Variants in PPFIA2 observed in about 807,000 individuals in gnomAD.
The protein encoded by PPFIA2 is PPFI scaffold protein A2, also known as liprin-alpha-2.
Under a neutral mutation model 175.5 loss-of-function variants are expected in PPFIA2, and 46 were observed. That is an observed-to-expected ratio of 0.26 (90% CI 0.21 to 0.34). The LOEUF (loss-of-function observed/expected upper bound fraction) is 0.34, where lower values mean the gene tolerates loss of function less well. Among genes scored for constraint, PPFIA2 ranks in the 10% least tolerant of loss-of-function variants. The pLI is 1.00. For synonymous variants in PPFIA2, 568 were observed against 511.4 expected (o/e 1.11, Z -1.49); for missense variants, 1,179 against 1,506.1 (o/e 0.78, Z 3.60).
intron 8 of PPFIA2, among the ~76,000 whole-genome samples, chr12:81,404,926 G>C (rs1244825419): frequency 6.6e-6 from 1 of 152,206 alleles, no homozygotes; most frequent in African/African-American, 2.4e-5. Context: ...AATTTAGCTA[G>C]CTGATTCATG....
intron 4 of PPFIA2, among the ~76,000 whole-genome samples, chr12:81,518,646 T>A (rs1282786990): frequency 6.6e-6 from 1 of 152,180 alleles, no homozygotes; most frequent in African/African-American, 2.4e-5. Flanking sequence ...TCTAAGCATT[T>A]CTTTCTCTTC....
At chr12:81,550,974 T>C (rs1303810712) in intron 4 of PPFIA2, among the ~76,000 whole-genome samples, 8 of 151,938 alleles carry the variant, frequency 5.3e-5, no homozygotes, top group African/African-American at 1.9e-4. Flanking sequence ...TGATAAATGG[T>C]GCATTATGAT....
intron 22 of PPFIA2, chr12:81,312,497 CATTCTTT>C: frequency 3.1e-6 from 1 of 320,038 alleles, no homozygotes; most frequent in South Asian, 1.1e-4. Context: ...TGGTAAAGGA[CATTCTTT>C]ACCTCAGGCC....
intron 4 of PPFIA2, among the ~76,000 whole-genome samples, chr12:81,640,681 C>T (rs1343667863): frequency 6.6e-6 from 1 of 151,106 alleles, no homozygotes; most frequent in Non-Finnish European, 1.5e-5. Context: ...CGAGTTTTTC[C>T]TTCTGAGATG....
intron 3 of PPFIA2, among the ~76,000 whole-genome samples, chr12:81,712,167 A>G (rs895481265): frequency 2.0e-5 from 3 of 151,384 alleles, no homozygotes; most frequent in African/African-American, 4.8e-5. Context: ...CATTAATTCA[A>G]TAACTACTAT....
At chr12:81,671,276 A>ATTC (rs1475503135) in intron 4 of PPFIA2, among the ~76,000 whole-genome samples, 1 of 151,804 alleles carries the variant, frequency 6.6e-6, no homozygotes, top group Non-Finnish European at 1.5e-5. Flanking sequence ...ACAACCACCT[A>ATTC]TTCTTGTATG....
chr12:81,400,973 A>T (rs966681920), intron 8 of PPFIA2, among the ~76,000 whole-genome samples: 1 of 152,196 alleles, frequency 6.6e-6, no homozygotes, highest in Non-Finnish European at 1.5e-5. Context: ...GTTAAGTGTG[A>T]CTACTGTTTT....
intron 3 of PPFIA2, among the ~76,000 whole-genome samples, chr12:81,716,760 A>C (rs2078682282): frequency 6.6e-6 from 1 of 151,730 alleles, no homozygotes; most frequent in African/African-American, 2.4e-5. Context: ...ACTTTTTAAA[A>C]TTATTACTTC....
At chr12:81,476,801 A>T (rs905016611) in intron 4 of PPFIA2, among the ~76,000 whole-genome samples, 1 of 152,220 alleles carries the variant, frequency 6.6e-6, no homozygotes, top group African/African-American at 2.4e-5. Flanking sequence ...AAAGACATGG[A>T]ACCAACTCAA....
At position 81,263,297 on chromosome 12, in the gene PPFIA2, C is replaced by G; in HGVS notation, c.3649G>C (p.Glu1217Gln). 6.2e-7 allele frequency: 1 copy of G among 1,612,646 alleles called. No individual in the cohort carries two copies. Among genetic ancestry groups the G allele is most frequent in the Non-Finnish European group, 8.5e-7 (1 of 1,178,932 alleles). ...HGISMMPGSS[E>Q]TLPAGFRLTT... ...AACCTAAATCCAGCTGGTAATGTTTCTGAGGACCCAGGCATCATGCTGATT... is the reference window on the plus strand; with the variant it reads ...AACCTAAATCCAGCTGGTAATGTTTGTGAGGACCCAGGCATCATGCTGATT... Residue 1217 changes from glutamate to glutamine, a missense_variant, in exon 31 of 33, where the codon GAA becomes CAA. By Grantham distance (29) the Glu-to-Gln change is conservative (BLOSUM62 2). Transcript: ENST00000549396.
chr12:81,293,320 C>T (rs1429012836), intron 24 of PPFIA2, among the ~76,000 whole-genome samples: 1 of 151,914 alleles, frequency 6.6e-6, no homozygotes, highest in Admixed American at 6.6e-5. Flanking sequence ...TTTTTTGTCA[C>T]ATTTTGTTCT....
intron 4 of PPFIA2, among the ~76,000 whole-genome samples, chr12:81,459,144 A>G (rs1313871980): frequency 1.3e-5 from 2 of 152,152 alleles, no homozygotes; most frequent in East Asian, 3.8e-4. Context: ...TAGATTCTAG[A>G]TGACAGAGTT....
At chr12:81,674,976 A>C (rs2072199273) in intron 4 of PPFIA2, among the ~76,000 whole-genome samples, 1 of 151,990 alleles carries the variant, frequency 6.6e-6, no homozygotes. Flanking sequence ...TAGATTAGCT[A>C]AGCCCTTATG....
chr12:81,504,320 C>T (rs2060907034), intron 4 of PPFIA2, among the ~76,000 whole-genome samples: 1 of 151,862 alleles, frequency 6.6e-6, no homozygotes, highest in African/African-American at 2.4e-5. Context: ...ACAACCCCAT[C>T]AAAAAGTGGG....
chr12:81,653,529 T>G (rs1249903639), intron 4 of PPFIA2, among the ~76,000 whole-genome samples: 1 of 152,202 alleles, frequency 6.6e-6, no homozygotes, highest in South Asian at 2.1e-4. Flanking sequence ...TGGCATTCCA[T>G]AGATTGTAGA....
At chr12:81,536,923 G>A (rs1363907605) in intron 4 of PPFIA2, among the ~76,000 whole-genome samples, 1 of 150,612 alleles carries the variant, frequency 6.6e-6, no homozygotes, top group Non-Finnish European at 1.5e-5. Flanking sequence ...AAGACTGATG[G>A]GAAAGTAAAC....
chr12:81,475,597 T>C (rs2057370226), intron 4 of PPFIA2, among the ~76,000 whole-genome samples: 1 of 152,234 alleles, frequency 6.6e-6, no homozygotes, highest in African/African-American at 2.4e-5. Context: ...TGAGATTTCT[T>C]CTGTAATGTC....
At chr12:81,729,119 T>C (rs2080487047) in intron 3 of PPFIA2, among the ~76,000 whole-genome samples, 1 of 151,490 alleles carries the variant, frequency 6.6e-6, no homozygotes, top group Non-Finnish European at 1.5e-5. Context: ...TTAACTTAAA[T>C]AAGTATTACA....
At chr12:81,724,436 C>T (rs1422715609) in intron 3 of PPFIA2, among the ~76,000 whole-genome samples, 1 of 150,874 alleles carries the variant, frequency 6.6e-6, no homozygotes, top group Non-Finnish European at 1.5e-5. Flanking sequence ...AAATAATGCA[C>T]ATTGTACCCA....
Sources: allele counts gnomAD v4.1 joint callset (sites outside exome capture counted in the v4.1 genomes callset), GRCh38; gene constraint gnomAD v4.1.1; transcripts MANE v1.5; gene names NCBI Gene and HGNC (gene_info 2026-07-23, HGNC 2026-07-21).